The following PRSS23 variants were observed in gnomAD, a reference collection of about 807,000 sequenced individuals.
The protein encoded by PRSS23 is protease, serine 23.
PRSS23 carries 25 observed loss-of-function variants against 34.7 expected under a neutral mutation model. The observed-to-expected ratio is 0.72, with a 90% CI of 0.53 to 1.01. PRSS23 has a LOEUF of 1.01. Among genes scored for constraint, PRSS23 ranks in the 50% least tolerant of loss-of-function variants. The pLI is 0.00. For synonymous variants in PRSS23, 176 were observed against 186.6 expected, an observed-to-expected ratio of 0.94 and a Z score of 0.46; for missense variants, 445 against 475.6, an observed-to-expected ratio of 0.94 and a Z score of 0.60.
intron 2 of PRSS23, among the ~76,000 whole-genome samples, chr11:86,841,931 A>C (rs1370634764): frequency 6.6e-6 from 1 of 152,252 alleles, no homozygotes; most frequent in Non-Finnish European, 1.5e-5. Flanking sequence ...AACTCATTTT[A>C]TAAGACCAGG....
At chr11:86,899,042 G>A (rs764545466) in intron 2 of PRSS23, among the ~76,000 whole-genome samples, 1 of 152,088 alleles carries the variant, frequency 6.6e-6, no homozygotes, top group Non-Finnish European at 1.5e-5. Flanking sequence ...CAGCTGACCT[G>A]CCACCATGTT....
intron 2 of PRSS23, among the ~76,000 whole-genome samples, chr11:86,905,295 C>A (rs1948935052): frequency 6.6e-6 from 1 of 152,152 alleles, no homozygotes; most frequent in Non-Finnish European, 1.5e-5. Flanking sequence ...GAATAATAAT[C>A]TCTTTCTGGC....
intron 2 of PRSS23, among the ~76,000 whole-genome samples, chr11:86,881,643 T>G (rs1170687390): frequency 1.3e-5 from 2 of 152,188 alleles, no homozygotes; most frequent in African/African-American, 4.8e-5. Flanking sequence ...CCTCTTCTAT[T>G]TTTTTGAATA....
chr11:86,929,950 A>G (rs370743396), intron 2 of PRSS23, among the ~76,000 whole-genome samples: 2 of 152,300 alleles, frequency 1.3e-5, no homozygotes, highest in African/African-American at 4.8e-5. Context: ...TAGAGTGTGC[A>G]TATGTGTAAA....
intron 1 of PRSS23, among the ~76,000 whole-genome samples, chr11:86,807,022 C>T (rs978927307): frequency 2.0e-5 from 3 of 152,014 alleles, no homozygotes; most frequent in African/African-American, 7.2e-5. Context: ...AAAAACAAAA[C>T]AAAACAAAAA....
chr11:86,930,522 C>CA lies in PRSS23; in HGVS notation c.207-20694_207-20693insA, dbSNP rs775279655. ...AATGGCTGACCAGGGCCGGGCGCGG[C>CA]GGCTCACGTCTGTAATCCCAGCACT... On this transcript the variant is annotated intron_variant, in intron 2 of 2. Coordinates refer to the PRSS23 transcript ENST00000533902. Among the ~76,000 whole-genome samples the CA allele has an allele frequency of 2.0e-5, 3 of 152,046 alleles. No individual in the cohort carries two copies. The East Asian group carries it at 5.8e-4, about 29-fold the overall frequency.
chr11:86,843,481 G>A (rs1948463454), intron 2 of PRSS23, among the ~76,000 whole-genome samples: 1 of 152,142 alleles, frequency 6.6e-6, no homozygotes, highest in African/African-American at 2.4e-5. Flanking sequence ...AGAGTGAACA[G>A]GCAACCTACA....
intron 2 of PRSS23, among the ~76,000 whole-genome samples, chr11:86,860,670 C>G (rs1590898972): frequency 6.6e-6 from 1 of 151,866 alleles, no homozygotes; most frequent in Non-Finnish European, 1.5e-5. Context: ...GTGTACGTTA[C>G]CCCTGTGTTA....
chr11:86,942,824 T>C (rs1344957154), intron 2 of PRSS23, among the ~76,000 whole-genome samples: 1 of 152,172 alleles, frequency 6.6e-6, no homozygotes, highest in Non-Finnish European at 1.5e-5. Flanking sequence ...ATCTTCAAGA[T>C]ATTTAGTGGG....
At chr11:86,942,325 C>T (rs1470769496) in intron 2 of PRSS23, among the ~76,000 whole-genome samples, 1 of 152,186 alleles carries the variant, frequency 6.6e-6, no homozygotes, top group Non-Finnish European at 1.5e-5. Flanking sequence ...TATGCAAAGG[C>T]AAAGGGGTGA....
chr11:86,879,728 T>G (rs865976314), intron 2 of PRSS23, among the ~76,000 whole-genome samples: 444 of 25,374 alleles, frequency 0.017, 2 homozygotes, highest in African/African-American at 0.031. Flanking sequence ...GAGGTGGGGG[T>G]GTCAGCCCCC....
chr11:86,877,092 G>A (rs1948729899), intron 2 of PRSS23, among the ~76,000 whole-genome samples: 2 of 152,178 alleles, frequency 1.3e-5, no homozygotes, highest in Admixed American at 6.5e-5. Flanking sequence ...AAATCAAGAT[G>A]GGTAATGTGC....
intron 2 of PRSS23, among the ~76,000 whole-genome samples, chr11:86,879,023 T>C (rs1351394079): frequency 9.2e-6 from 1 of 108,452 alleles, no homozygotes; most frequent in Non-Finnish European, 1.9e-5. Flanking sequence ...GTGAGGAGCG[T>C]CTCTGCCCGG....
chr11:86,855,171 A>T (rs1285857617), intron 2 of PRSS23, among the ~76,000 whole-genome samples: 2 of 110,126 alleles, frequency 1.8e-5, no homozygotes, highest in Non-Finnish European at 1.8e-5. Context: ...CACCTCAATT[A>T]AAAAAAAAAA....
intron 2 of PRSS23, among the ~76,000 whole-genome samples, chr11:86,834,860 T>C (rs1948392508): frequency 6.6e-6 from 1 of 152,180 alleles, no homozygotes; most frequent in Non-Finnish European, 1.5e-5. Flanking sequence ...AGCTGAACAG[T>C]AGTTCCTGGA....
rs1948170560 is a variant in PRSS23, at chr11:86,810,847, A to C, written c.*2052A>C. The C allele has an allele frequency of 6.0e-6, 1 of 167,058 alleles. No homozygotes were observed. Among genetic ancestry groups the C allele is most frequent in the Non-Finnish European group, 1.5e-5 (1 of 68,122 alleles). The allele number at this position is 167,058 out of a possible 1,614,324, so 10.3% of individuals were successfully genotyped here. On this transcript the variant is annotated 3_prime_UTR_variant, in exon 2 of 2. Transcript: ENST00000280258. ...AAAGAAAATTATAAAATAATTCAACATGTCCATCTTTTTAGTGATAATAAA... is the reference window on the plus strand; with the variant it reads ...AAAGAAAATTATAAAATAATTCAACCTGTCCATCTTTTTAGTGATAATAAA...
intron 2 of PRSS23, among the ~76,000 whole-genome samples, chr11:86,870,261 A>AC (rs1948676303): frequency 9.2e-6 from 1 of 108,624 alleles, no homozygotes; most frequent in Non-Finnish European, 1.8e-5. Context: ...GGGAGGGGAA[A>AC]AAACAACAAC....
At chr11:86,913,681 T>A (rs1375826705) in intron 2 of PRSS23, among the ~76,000 whole-genome samples, 2 of 151,672 alleles carry the variant, frequency 1.3e-5, no homozygotes, top group African/African-American at 2.4e-5. Flanking sequence ...ATTCCAACTC[T>A]GCAGTAAAAT....
At chr11:86,932,821 G>A (rs1284446557) in intron 2 of PRSS23, 1 of 152,078 alleles carries the variant, frequency 6.6e-6, no homozygotes, top group Non-Finnish European at 1.5e-5. Flanking sequence ...GAGCTGCAGT[G>A]GACATTTGCC....
Sources: gnomAD v4.1 joint callset for allele counts (sites outside exome capture counted in the v4.1 genomes callset) on GRCh38, gnomAD v4.1.1 for gene constraint, MANE v1.5 for transcripts, NCBI Gene and HGNC (gene_info 2026-07-23, HGNC 2026-07-21) for gene names.